The following RBFA variants were observed in gnomAD, a reference collection of about 807,000 sequenced individuals.
The protein encoded by RBFA is putative ribosome-binding factor A, mitochondrial.
A neutral mutation model predicts 27.9 loss-of-function variants in RBFA; 16 were observed. The ratio of observed to expected loss-of-function variants is 0.57; its 90% CI spans 0.39 to 0.87. The LOEUF is 0.87. Ranked by LOEUF, RBFA falls within the 40% of genes least tolerant of loss-of-function variation. The pLI is 0.00. For synonymous variants in RBFA, 181 were observed against 181.0 expected (o/e 1.00, Z 0.00); for missense variants, 456 against 432.1 (o/e 1.06, Z -0.49).
chr18:80,041,418 A>T (rs972859184), intron 4 of RBFA: 1 of 152,198 alleles, frequency 6.6e-6, no homozygotes, highest in African/African-American at 2.4e-5. Context: ...TGTGATGTGC[A>T]TGATACAAAT....
intron 3 of RBFA, 81 bp downstream of exon 3, chr18:80,037,587 C>T (rs2056039893): frequency 3.7e-6 from 5 of 1,350,398 alleles, no homozygotes; most frequent in Admixed American, 2.2e-5. Context: ...TCTTGCCTGA[C>T]AATTAAAAAA....
intron 4 of RBFA, among the ~76,000 whole-genome samples, chr18:80,040,743 G>A (rs780559412): frequency 2.0e-5 from 3 of 152,138 alleles, no homozygotes; most frequent in African/African-American, 7.2e-5. Flanking sequence ...GTTTTTAAGC[G>A]ACTTTAAAAA....
rs1230744892 is a variant in RBFA at position 80,050,460 on chromosome 18, TC to T, written c.*4309del. On this transcript the variant is annotated 3_prime_UTR_variant, in exon 7 of 7. Coordinates refer to ENST00000306735, the MANE Select transcript of RBFA (RefSeq NM_024805.3). ...CACATCATGGAGACTGGGGCACCCA[TC>T]CCCTCAAGCATTTATCCTTTGTGCC... Among the ~76,000 whole-genome samples the T allele has an allele frequency of 6.6e-6, 1 of 152,218 alleles. No homozygotes were observed. Among genetic ancestry groups the T allele is most frequent in the African/African-American group, 2.4e-5 (1 of 41,444 alleles).
rs755406415 is a variant in RBFA, at chr18:80,037,485, C to T, written c.357C>T (p.Asp119=). The change falls in exon 3 of 7, where the codon GAC becomes GAT. Residue 119 remains aspartate (D), a synonymous_variant. Transcript: ENST00000306735. ...CTPEVSQELY[D]LNVELSKVSL... ...CTGAAGTGAGTCAGGAGCTGTATGA[C>T]CTTAACGTGGAGCTCTCCAAGGTAG... The T allele has an allele frequency of 5.6e-6, 9 of 1,612,756 alleles. No homozygotes were observed. The African/African-American group carries it at 1.2e-4, about 22-fold the overall frequency.
intron 3 of RBFA, 99 bp downstream of exon 3, chr18:80,037,605 T>G (rs2051989267): frequency 8.6e-7 from 1 of 1,162,720 alleles, no homozygotes; most frequent in Non-Finnish European, 1.2e-6. Flanking sequence ...AAAAGACGCT[T>G]TAGACTGGGC....
intron 6 of RBFA, 119 bp downstream of exon 6, chr18:80,044,404 A>G (rs966422256): frequency 4.4e-6 from 4 of 905,700 alleles, no homozygotes; most frequent in Admixed American, 1.9e-5. Context: ...TCCCCATGGC[A>G]CTTGCCTCCA....
rs768631843 is a variant in RBFA, at chr18:80,038,521, A to G, written c.395A>G (p.Asp132Gly). Residue 132 changes from aspartate (D) to glycine (G), a missense_variant, in exon 4 of 7, where the codon GAC becomes GGC. Coordinates refer to ENST00000306735, the MANE Select transcript of RBFA (RefSeq NM_024805.3). ...VELSKVSLTP[D>G]FSACRAYWKT... is the part of the protein sequence containing the mutation. ...GGGTCTCAGGTTTCCCTGACTCCAG[A>G]CTTCTCAGCCTGCCGAGCGTACTGG... 3.7e-6 allele frequency: 6 copies of G among 1,612,706 alleles called. No homozygotes were observed. In the African/African-American group the frequency reaches 5.3e-5, roughly 14 times the overall value.
chr18:80,037,616 G>A (rs1382497324), intron 3 of RBFA, 110 bp downstream of exon 3: 20 of 1,002,614 alleles, frequency 2.0e-5, no homozygotes, highest in Middle Eastern at 6.6e-4. Flanking sequence ...TAGACTGGGC[G>A]CGGTGGCTCA....
At chr18:80,036,833 G>A (rs1182138572) in intron 2 of RBFA, 123 bp downstream of exon 2, 34 of 601,408 alleles carry the variant, frequency 5.7e-5, no homozygotes, top group East Asian at 3.4e-4. Flanking sequence ...ATGTGGATGC[G>A]ACTGGATGCC....
Position 80,037,411 on chromosome 18 carries a change from G to A in RBFA, c.283G>A (p.Ala95Thr), listed in dbSNP as rs779123129. Residue 95 changes from alanine (A) to threonine (T), a missense_variant, in exon 3 of 7, where the codon GCC becomes ACC. Ala to Thr is a moderately conservative substitution (Grantham distance 58). Coordinates refer to ENST00000306735, the MANE Select transcript of RBFA (RefSeq NM_024805.3). ...GAAGGAAGACCATGCGCGCCTGAGG[G>A]CCCTGAACGGCCTCCTCTATAAGGC... ...TRKEDHARLR[A>T]LNGLLYKALT... The A allele has an allele frequency of 6.2e-7, 1 of 1,614,090 alleles. No individual in the cohort carries two copies. Among genetic ancestry groups the A allele is most frequent in the South Asian group, 1.1e-5 (1 of 91,084 alleles).
chr18:80,038,481 A>G (rs765778287), intron 3 of RBFA, 24 bp from the exon 4 acceptor site: 22 of 1,517,746 alleles, frequency 1.4e-5, no homozygotes, highest in African/African-American at 8.3e-5. Context: ...CTAAAAAGTG[A>G]CCTGTGGAGG....
intron 4 of RBFA, among the ~76,000 whole-genome samples, chr18:80,040,550 C>G (rs1413260040): frequency 6.6e-6 from 1 of 152,064 alleles, no homozygotes; most frequent in Non-Finnish European, 1.5e-5. Flanking sequence ...GCTGGCTCTT[C>G]TTGTATTTCA....
In RBFA at chr18:80,034,437, TG is replaced by T; in HGVS notation, c.-58del. ...CACACGCCGCCACCCTCGCGTCAGT[TG>T]TCGCTCCGCGCCTGCGCCCGTTGTC... is the stretch of plus-strand genomic sequence containing the variant. On this transcript the variant is annotated 5_prime_UTR_variant, in exon 1 of 7. Coordinates refer to ENST00000306735, the MANE Select transcript of RBFA (RefSeq NM_024805.3). The T allele has an allele frequency of 2.9e-6, 4 of 1,401,858 alleles. No homozygotes were observed. The highest frequency in any genetic ancestry group is 2.5e-4 in the Middle Eastern group (1 of 4,046). 86.8% of individuals were successfully genotyped at this position (1,401,858 alleles called of 1,614,324 possible).
At position 80,044,305 on chromosome 18, in the gene RBFA, G is replaced by A; in HGVS notation, c.650+20G>A. On this transcript the variant is annotated intron_variant, in intron 6 of 6. Coordinates refer to ENST00000306735, the MANE Select transcript of RBFA (RefSeq NM_024805.3). ...TTTCAGGTGACGCATGTGGACATAT[G>A]TTTTGATTCCCTGGGGTACATTCCT... 1.2e-6 allele frequency: 2 copies of A among 1,603,436 alleles called. No individual in the cohort carries two copies. The highest frequency in any genetic ancestry group is 8.5e-7 in the Non-Finnish European group (1 of 1,170,188).
In RBFA at chr18:80,037,396, C is replaced by T. The variant is rs751022797; in HGVS notation, c.268C>T (p.His90Tyr). The T allele has an allele frequency of 1.2e-6, 2 of 1,614,056 alleles. No individual in the cohort carries two copies. The highest frequency in any genetic ancestry group is 2.2e-5 in the East Asian group (1 of 44,870). Residue 90 changes from histidine to tyrosine, a missense_variant, in exon 3 of 7, where the codon CAT becomes TAT. Coordinates refer to ENST00000306735, the MANE Select transcript of RBFA (RefSeq NM_024805.3). ...CTCAAAGAAAACCAGGAAGGAAGAC[C>T]ATGCGCGCCTGAGGGCCCTGAACGG... is the stretch of plus-strand genomic sequence containing the variant. ...STSKKTRKEDHARLRALNGLL... is the reference protein window; with the variant it reads ...STSKKTRKEDYARLRALNGLL...
chr18:80,038,629 T>C lies in RBFA; in HGVS notation c.491+12T>C. The C allele has an allele frequency of 1.9e-6, 3 of 1,588,298 alleles. No individual in the cohort carries two copies. The highest frequency in any genetic ancestry group is 2.6e-6 in the Non-Finnish European group (3 of 1,161,682). On this transcript the variant is annotated intron_variant, in intron 4 of 6. Transcript: ENST00000306735. ...GCCGCGCACATGAGGTGATGACCTT[T>C]GCTTTCTGAATGTACTTGCTTTTTG...
chr18:80,034,441 G>T lies in RBFA; in HGVS notation c.-55G>T. ...CGCCGCCACCCTCGCGTCAGTTGTC[G>T]CTCCGCGCCTGCGCCCGTTGTCTCC... On this transcript the variant is annotated 5_prime_UTR_variant, in exon 1 of 7. Coordinates refer to ENST00000306735, the MANE Select transcript of RBFA (RefSeq NM_024805.3). The T allele has an allele frequency of 1.4e-6, 2 of 1,407,972 alleles. No individual in the cohort carries two copies. Among genetic ancestry groups the T allele is most frequent in the Non-Finnish European group, 1.8e-6 (2 of 1,085,260 alleles). 87.2% of individuals were successfully genotyped at this position (1,407,972 alleles called of 1,614,324 possible).
At chr18:80,037,593 A>C in intron 3 of RBFA, 87 bp downstream of exon 3, 1 of 1,300,328 alleles carries the variant, frequency 7.7e-7, no homozygotes, top group Non-Finnish European at 1.1e-6. Flanking sequence ...CTGACAATTA[A>C]AAAAAGACGC....
chr18:80,041,134 C>T (rs776100788), intron 4 of RBFA, among the ~76,000 whole-genome samples: 16 of 152,140 alleles, frequency 1.1e-4, no homozygotes, highest in Non-Finnish European at 2.2e-4. Context: ...CGATGATGCC[C>T]AGGGGTCTGT....
Sources: allele counts gnomAD v4.1 joint callset (sites outside exome capture counted in the v4.1 genomes callset), GRCh38; gene constraint gnomAD v4.1.1; transcripts MANE v1.5; gene names NCBI Gene and HGNC (gene_info 2026-07-23, HGNC 2026-07-21).